Variants in KIDINS220 observed in about 807,000 individuals in gnomAD.
KIDINS220 encodes the protein kinase D-interacting substrate of 220 kDa.
A neutral mutation model predicts 157.6 loss-of-function variants in KIDINS220; 63 were observed. The observed-to-expected ratio is 0.40, with a 90% CI of 0.33 to 0.49. KIDINS220 has a LOEUF of 0.49. Among genes scored for constraint, KIDINS220 ranks in the 20% least tolerant of loss-of-function variants. The probability of loss-of-function intolerance (pLI) is 0.66; values close to 1 mark genes in which losing one functional copy is unlikely to be tolerated. For synonymous variants in KIDINS220, 732 were observed against 783.6 expected (o/e 0.93, Z 1.10); for missense variants, 1,772 against 2,171.2 (o/e 0.82, Z 3.65).
rs550165646 is a variant in KIDINS220, at chr2:8,789,086, C to T, written c.1622-274G>A. ...AAATCATCTTGGGTTTATCACTATT[C>T]GCAACTGGTGAAGTTGGTTATCAGT... On this transcript the variant is annotated intron_variant, in intron 14 of 29. Coordinates refer to ENST00000256707, the MANE Select transcript of KIDINS220 (RefSeq NM_020738.4). Among the ~76,000 whole-genome samples, 374 of 152,220 alleles carry T rather than the reference C, an allele frequency of 2.5e-3. 1 individual carries two copies. Among genetic ancestry groups the T allele is most frequent in the Non-Finnish European group, 4.2e-3 (289 of 68,010 alleles).
intron 22 of KIDINS220, among the ~76,000 whole-genome samples, chr2:8,760,430 C>T (rs1299359802): frequency 6.6e-6 from 1 of 152,160 alleles, no homozygotes; most frequent in Non-Finnish European, 1.5e-5. Flanking sequence ...AAGCAGAGAA[C>T]ACTTCAAATA....
At chr2:8,745,015 A>T (rs540704597) in intron 26 of KIDINS220, among the ~76,000 whole-genome samples, 3 of 152,196 alleles carry the variant, frequency 2.0e-5, no homozygotes, top group Admixed American at 2.0e-4. Context: ...CAAGAATCAC[A>T]CGATTTCCCC....
intron 1 of KIDINS220, among the ~76,000 whole-genome samples, 186 bp downstream of exon 1, chr2:8,837,294 G>A (rs1438409874): frequency 2.0e-5 from 3 of 152,072 alleles, no homozygotes; most frequent in African/African-American, 7.2e-5. Context: ...CGAAAGCCGG[G>A]GCCCGAGCGT....
chr2:8,810,930 A>G (rs533933108), intron 6 of KIDINS220, among the ~76,000 whole-genome samples: 1 of 152,342 alleles, frequency 6.6e-6, no homozygotes, highest in South Asian at 2.1e-4. Context: ...CAGCCTCCCT[A>G]CGCTCCTCAT....
chr2:8,803,270 G>A (rs1223803528), intron 7 of KIDINS220, 143 bp from the exon 8 acceptor site: 2 of 719,972 alleles, frequency 2.8e-6, no homozygotes, highest in Non-Finnish European at 4.4e-6. Flanking sequence ...ATAGTAAAAT[G>A]CCAAAATAAA....
At chr2:8,824,684 C>A (rs975186961) in intron 2 of KIDINS220, among the ~76,000 whole-genome samples, 14 of 152,026 alleles carry the variant, frequency 9.2e-5, no homozygotes, top group African/African-American at 3.4e-4. Context: ...TGTCTAAAAA[C>A]AAAAAACACA....
rs571910491 is a variant in KIDINS220, at chr2:8,763,041, T to C, written c.3011+7629A>G. Among the ~76,000 whole-genome samples, 32 of 152,368 alleles carry C rather than the reference T, an allele frequency of 2.1e-4. 1 individual carries two copies. The South Asian group carries it at 6.6e-3, about 32-fold the overall frequency. The stretch of plus-strand genomic sequence containing the variant: ...ACTGCAGAAAAATTTCTATCTGCTA[T>C]AACATTCCCATTGATACCCTAATAA... On this transcript the variant is annotated intron_variant, in intron 22 of 29. Transcript: ENST00000256707.
At chr2:8,809,241 G>C (rs1051740473) in intron 6 of KIDINS220, among the ~76,000 whole-genome samples, 1 of 152,072 alleles carries the variant, frequency 6.6e-6, no homozygotes, top group African/African-American at 2.4e-5. Flanking sequence ...GGGTGGTTTT[G>C]AACTCCTGAC....
chr2:8,727,005 C>T (rs761920665), downstream of KIDINS220: 713 of 1,149,570 alleles, frequency 6.2e-4, no homozygotes, highest in Non-Finnish European at 7.9e-4. Flanking sequence ...TCAGTCTCAA[C>T]CAGGGATTCT....
At chr2:8,837,226 C>A (rs1443760704) in intron 1 of KIDINS220, among the ~76,000 whole-genome samples, 4 of 152,198 alleles carry the variant, frequency 2.6e-5, no homozygotes, top group Non-Finnish European at 5.9e-5. Flanking sequence ...GGAGACAGAC[C>A]ACCAGAGACT....
chr2:8,822,626 CA>C (rs1256579066), intron 2 of KIDINS220, among the ~76,000 whole-genome samples: 4 of 150,880 alleles, frequency 2.7e-5, no homozygotes, highest in South Asian at 2.1e-4. Flanking sequence ...GGCCCTGTCT[CA>C]AAAAAAATAA....
At chr2:8,831,105 C>T (rs1326411128) in intron 1 of KIDINS220, among the ~76,000 whole-genome samples, 1 of 152,212 alleles carries the variant, frequency 6.6e-6, no homozygotes, top group Non-Finnish European at 1.5e-5. Flanking sequence ...AGCTTTACTA[C>T]TTACAAGTTA....
At chr2:8,792,620 GGCTGGAAATACCCAGT>G (rs1402304508) in intron 12 of KIDINS220, among the ~76,000 whole-genome samples, 1 of 152,174 alleles carries the variant, frequency 6.6e-6, no homozygotes, top group Non-Finnish European at 1.5e-5. Flanking sequence ...AAGAGTAAGA[GGCTGGAAATACCCAGT>G]GCTAGCAAGC....
At chr2:8,837,281 C>A (rs1272993172) in intron 1 of KIDINS220, among the ~76,000 whole-genome samples, 199 bp downstream of exon 1, 1 of 152,168 alleles carries the variant, frequency 6.6e-6, no homozygotes, top group African/African-American at 2.4e-5. Flanking sequence ...CGCGGACTCG[C>A]CCCGAAAGCC....
intron 12 of KIDINS220, among the ~76,000 whole-genome samples, 161 bp from the exon 13 acceptor site, chr2:8,791,385 G>A (rs1171529515): frequency 2.0e-5 from 3 of 152,112 alleles, no homozygotes; most frequent in African/African-American, 7.2e-5. Context: ...ATTCTGACTT[G>A]GAAGGCTACC....
In KIDINS220 at chr2:8,802,949, T is replaced by C; in HGVS notation, c.782A>G (p.Tyr261Cys). The C allele has an allele frequency of 6.2e-7, 1 of 1,613,976 alleles. No homozygotes were observed. The highest frequency in any genetic ancestry group is 8.5e-7 in the Non-Finnish European group (1 of 1,179,964). The change falls in exon 8 of 30, where the codon TAT becomes TGT. Residue 261 changes from tyrosine to cysteine, a missense_variant. Around this residue, in one of 3 missense-constraint regions of KIDINS220, gnomAD observed 725 missense variants for 1,017.1 expected, o/e 0.71. Coordinates refer to ENST00000256707, the MANE Select transcript of KIDINS220 (RefSeq NM_020738.4). Reference protein sequence around the residue: ...IVQDLLDAGTYVNIPDRSGDT... With the variant: ...IVQDLLDAGTCVNIPDRSGDT... ...ACCTACCCTGTCAGGTATGTTCACATATGTTCCAGCGTCGAGCAGATCCTG... is the reference window on the plus strand; with the variant it reads ...ACCTACCCTGTCAGGTATGTTCACACATGTTCCAGCGTCGAGCAGATCCTG...
chr2:8,809,312 C>T (rs1260549670), intron 6 of KIDINS220, among the ~76,000 whole-genome samples: 1 of 152,022 alleles, frequency 6.6e-6, no homozygotes, highest in Non-Finnish European at 1.5e-5. Context: ...TGAGCCACTG[C>T]ACTCGGCCAC....
chr2:8,817,796 C>T (rs896334399), intron 3 of KIDINS220, 80 bp from the exon 4 acceptor site: 2 of 915,106 alleles, frequency 2.2e-6, no homozygotes, highest in African/African-American at 3.3e-5. Context: ...TTTGAACTTA[C>T]ATACCAAATG....
In KIDINS220 at chr2:8,731,994, G is replaced by GA. The variant is rs770096049; in HGVS notation, c.4054-13dup. ...CTGCGAGTTTGTGACTGTGAAGACA[G>GA]AAAAAAAATAATTTAAAAATTCAAA... On this transcript the variant is annotated splice_polypyrimidine_tract_variant and intron_variant, in intron 29 of 29. Coordinates refer to ENST00000256707, the MANE Select transcript of KIDINS220 (RefSeq NM_020738.4). This position sits in a 1 kb window ranked among gnomAD's most constrained non-coding sequence, Gnocchi z 5.2. 2.3e-5 allele frequency: 35 copies of GA among 1,502,946 alleles called. 1 individual carries two copies. The highest frequency in any genetic ancestry group is 2.3e-4 in the South Asian group (16 of 70,434). 93.1% of individuals were successfully genotyped at this position (1,502,946 alleles called of 1,614,324 possible).
Sources: gnomAD v4.1 joint callset for allele counts (sites outside exome capture counted in the v4.1 genomes callset) on GRCh38, gnomAD v4.1.1 for gene constraint, gnomAD v4.1.1 regional missense constraint, Gnocchi (gnomAD v3.1) non-coding constraint, MANE v1.5 for transcripts, NCBI Gene and HGNC (gene_info 2026-07-23, HGNC 2026-07-21) for gene names.